Variants in ERCC6L2 observed in about 807,000 individuals in gnomAD.
The protein encoded by ERCC6L2 is DNA excision repair protein ERCC-6-like 2.
A neutral mutation model predicts 132.0 loss-of-function variants in ERCC6L2; 77 were observed. The ratio of observed to expected loss-of-function variants is 0.58; its 90% CI spans 0.49 to 0.71. ERCC6L2 has a LOEUF of 0.71. ERCC6L2 is among the 30% of genes least tolerant of loss of function. The pLI, the probability that ERCC6L2 is intolerant of heterozygous loss-of-function variation, is 0.00. For synonymous variants in ERCC6L2, 583 were observed against 632.4 expected (o/e 0.92, Z 1.17); for missense variants, 1,542 against 1,837.6 (o/e 0.84, Z 2.94).
chr9:95,985,271 C>T (rs914929476), intron 17 of ERCC6L2, among the ~76,000 whole-genome samples: 3 of 152,160 alleles, frequency 2.0e-5, no homozygotes, highest in Non-Finnish European at 4.4e-5. Flanking sequence ...CTCATATACT[C>T]CTGTAAACAC....
In ERCC6L2 at chr9:95,966,892, A is replaced by G. The variant is rs1832185172; in HGVS notation, c.2100+178A>G. 7.0e-6 allele frequency: 3 copies of G among 431,144 alleles called. No individual in the cohort carries two copies. In the East Asian group the frequency reaches 1.1e-4, roughly 15 times the overall value. The allele number at this position is 431,144 out of a possible 1,614,324, so 26.7% of individuals were successfully genotyped here. A position where few individuals can be genotyped will look rare whatever the true frequency, so the allele number is the denominator to read the frequency against. On this transcript the variant is annotated intron_variant, in intron 14 of 18. Coordinates refer to ENST00000653738, the MANE Select transcript of ERCC6L2 (RefSeq NM_020207.7). ...AAATGAATTATTGTACCTCTAAACTAAGATTTTCCCATGCATAATTACAAA... is the reference window on the plus strand; with the variant it reads ...AAATGAATTATTGTACCTCTAAACTGAGATTTTCCCATGCATAATTACAAA...
intron 11 of ERCC6L2, among the ~76,000 whole-genome samples, chr9:95,931,352 C>A (rs574923605): frequency 6.6e-6 from 1 of 152,190 alleles, no homozygotes; most frequent in Non-Finnish European, 1.5e-5. Flanking sequence ...TAGTTTCAAT[C>A]TGGCCCAGTT....
chr9:95,934,803 A>G (rs1049806752), intron 11 of ERCC6L2, among the ~76,000 whole-genome samples: 6 of 152,204 alleles, frequency 3.9e-5, no homozygotes, highest in East Asian at 1.9e-4. Context: ...AGGTAGTCCA[A>G]CACCAGGAAT....
chr9:95,997,995 A>G (rs569195057), intron 17 of ERCC6L2, among the ~76,000 whole-genome samples: 1 of 152,362 alleles, frequency 6.6e-6, no homozygotes, highest in Admixed American at 6.5e-5. Flanking sequence ...AAATGTTTAT[A>G]AAGTAGATAT....
chr9:96,012,802 C>A lies in ERCC6L2; in HGVS notation c.4252C>A (p.Leu1418Ile), dbSNP rs756406548. 1 of 1,367,566 alleles carries A rather than the reference C, an allele frequency of 7.3e-7. No individual in the cohort carries two copies. Among genetic ancestry groups the A allele is most frequent in the South Asian group, 1.1e-5 (1 of 88,044 alleles). 84.7% of individuals were successfully genotyped at this position (1,367,566 alleles called of 1,614,324 possible). A position where few individuals can be genotyped will look rare whatever the true frequency, so the allele number is the denominator to read the frequency against. ...RTGISRKEPL[L>I]KLENKKIENP... Reference sequence around the variant, plus strand: ...GGGCATTTCAAGAAAAGAACCCCTTCTCAAATTGGAAAACAAAAAGATAGA... The same window carrying A: ...GGGCATTTCAAGAAAAGAACCCCTTATCAAATTGGAAAACAAAAAGATAGA... The change falls in exon 19 of 19, where the codon CTC (leucine) becomes ATC (isoleucine). Residue 1418 changes from leucine (L) to isoleucine (I), a missense_variant. By Grantham distance (5) the Leu-to-Ile change is conservative. Around this residue, in one of 4 missense-constraint regions of ERCC6L2, gnomAD observed 442 missense variants for 583.4 expected, o/e 0.76. Transcript: ENST00000653738.
intron 17 of ERCC6L2, among the ~76,000 whole-genome samples, chr9:95,995,459 T>G (rs185839933): frequency 5.1e-4 from 77 of 152,352 alleles, no homozygotes; most frequent in African/African-American, 1.8e-3. Context: ...AGTTAGTAGA[T>G]CTAGGGTGGA....
chr9:95,949,147 G>T (rs1361781223), intron 12 of ERCC6L2, among the ~76,000 whole-genome samples: 1 of 152,100 alleles, frequency 6.6e-6, no homozygotes, highest in Non-Finnish European at 1.5e-5. Context: ...GAAAAAATCT[G>T]CAAACTTGAA....
chr9:96,002,093 T>C (rs1480463277), intron 17 of ERCC6L2, among the ~76,000 whole-genome samples: 3 of 152,302 alleles, frequency 2.0e-5, no homozygotes, highest in Middle Eastern at 3.4e-3. Flanking sequence ...TTCCCGCGCG[T>C]GCCTCTCCCT....
At chr9:95,932,100 T>A (rs1830365750) in intron 11 of ERCC6L2, among the ~76,000 whole-genome samples, 1 of 151,670 alleles carries the variant, frequency 6.6e-6, no homozygotes, top group African/African-American at 2.4e-5. Flanking sequence ...AGACAGTGTC[T>A]CACTCTGTGG....
chr9:95,984,747 T>C (rs998969771), intron 17 of ERCC6L2, among the ~76,000 whole-genome samples: 6 of 152,236 alleles, frequency 3.9e-5, no homozygotes, highest in African/African-American at 1.4e-4. Flanking sequence ...TATGAATAAA[T>C]ACTTGTGGGA....
Position 95,921,160 on chromosome 9 carries a change from A to T in ERCC6L2, c.1159-15A>T, listed in dbSNP as rs577917388. 6.3e-7 allele frequency: 1 copy of T among 1,596,994 alleles called. No individual in the cohort carries two copies. Among genetic ancestry groups the T allele is most frequent in the African/African-American group, 1.4e-5 (1 of 73,938 alleles). ...AACAAAATACTAATAACTACCTTGTATTTTATCTTGGCAGATGGTGTATTG... is the reference window on the plus strand; with the variant it reads ...AACAAAATACTAATAACTACCTTGTTTTTTATCTTGGCAGATGGTGTATTG... On this transcript the variant is annotated splice_polypyrimidine_tract_variant and intron_variant, in intron 6 of 18. Coordinates refer to ENST00000653738, the MANE Select transcript of ERCC6L2 (RefSeq NM_020207.7).
At chr9:95,922,943 T>A (rs1367275890) in intron 8 of ERCC6L2, among the ~76,000 whole-genome samples, 1 of 152,174 alleles carries the variant, frequency 6.6e-6, no homozygotes, top group East Asian at 1.9e-4. Context: ...AAATGTAATT[T>A]TGAAATCTCA....
Position 95,982,791 on chromosome 9 carries a change from T to C in ERCC6L2, c.3492+4576T>C, listed in dbSNP as rs574842489. On this transcript the variant is annotated intron_variant, in intron 17 of 18. Coordinates refer to ENST00000653738, the MANE Select transcript of ERCC6L2 (RefSeq NM_020207.7). ...TTTCTACACCTAGAACTAGGATTGATTGTAGATAGCATTCTGATTCAGAAT... is the reference window on the plus strand; with the variant it reads ...TTTCTACACCTAGAACTAGGATTGACTGTAGATAGCATTCTGATTCAGAAT... 1.8e-4 allele frequency among the ~76,000 whole-genome samples: 27 copies of C among 152,286 alleles called. 1 individual carries two copies. In the East Asian group the frequency reaches 5.0e-3, roughly 28 times the overall value.
In ERCC6L2 at chr9:95,929,117, A is replaced by G. The variant is rs144318703; in HGVS notation, c.1751+253A>G. 134 of 266,174 alleles carry G rather than the reference A, an allele frequency of 5.0e-4. 1 individual carries two copies. The highest frequency in any genetic ancestry group is 2.5e-3 in the Middle Eastern group (2 of 788). 16.5% of individuals were successfully genotyped at this position (266,174 alleles called of 1,614,324 possible). A position where few individuals can be genotyped will look rare whatever the true frequency, so the allele number is the denominator to read the frequency against. On this transcript the variant is annotated intron_variant, in intron 11 of 18. Coordinates refer to ENST00000653738, the MANE Select transcript of ERCC6L2 (RefSeq NM_020207.7). ...AATAAAAAAATTGATACTTCCTCCT[A>G]TGAATTTTCCATGGTAGTGTTTTGA...
intron 19 of ERCC6L2, among the ~76,000 whole-genome samples, chr9:96,035,018 C>A (rs1428756611): frequency 6.6e-6 from 1 of 152,164 alleles, no homozygotes; most frequent in Non-Finnish European, 1.5e-5. Flanking sequence ...GTCTCTGTAG[C>A]CTGCACCCTT....
intron 2 of ERCC6L2, among the ~76,000 whole-genome samples, chr9:95,883,502 T>A (rs1433163204): frequency 6.6e-6 from 1 of 152,200 alleles, no homozygotes; most frequent in Admixed American, 6.5e-5. Context: ...ACTTCTACTG[T>A]TTTTGCCTGT....
chr9:95,902,378 G>A (rs1828823513), intron 3 of ERCC6L2, among the ~76,000 whole-genome samples: 2 of 152,112 alleles, frequency 1.3e-5, no homozygotes, highest in African/African-American at 4.8e-5. Context: ...TAATGCAAAA[G>A]AGGAGGATTT....
chr9:95,901,480 C>G (rs754143180), intron 3 of ERCC6L2, among the ~76,000 whole-genome samples: 1 of 152,076 alleles, frequency 6.6e-6, no homozygotes, highest in Non-Finnish European at 1.5e-5. Context: ...AATTACTTGG[C>G]CATTATTTTT....
rs377524118 is a variant in ERCC6L2, at chr9:96,028,179, G to GA, written c.*1504-10685dup. 2.4e-3 allele frequency among the ~76,000 whole-genome samples: 333 copies of GA among 141,102 alleles called. 1 individual carries two copies. The highest frequency in any genetic ancestry group is 3.7e-3 in the Middle Eastern group (1 of 272). 92.6% of individuals were successfully genotyped at this position (141,102 alleles called of 152,430 possible). Reference sequence around the variant, plus strand: ...TGTTTTCAGAGTTTCCTATTTTCCAGAAAAAAAAAAAAGTCCCTATCTGTG... The same window carrying GA: ...TGTTTTCAGAGTTTCCTATTTTCCAGAAAAAAAAAAAAAGTCCCTATCTGTG... On this transcript the variant is annotated intron_variant and NMD_transcript_variant, in intron 19 of 20. Transcript: ENST00000670016.
Sources: gnomAD v4.1 joint callset for allele counts (sites outside exome capture counted in the v4.1 genomes callset) on GRCh38, gnomAD v4.1.1 for gene constraint, gnomAD v4.1.1 regional missense constraint, MANE v1.5 for transcripts, NCBI Gene and HGNC (gene_info 2026-07-23, HGNC 2026-07-21) for gene names.